ETS1: variants seen among roughly 807,000 people sequenced by gnomAD.
ETS1 encodes the protein ETS proto-oncogene 1, transcription factor, also known as protein C-ets-1.
A neutral mutation model predicts 58.6 loss-of-function variants in ETS1; 15 were observed. That is an observed-to-expected ratio of 0.26 (90% confidence interval 0.17 to 0.39). The LOEUF is 0.39. Among genes scored for constraint, ETS1 ranks in the 10% least tolerant of loss-of-function variants. The pLI, the probability that ETS1 is intolerant of heterozygous loss-of-function variation, is 1.00. For synonymous variants in ETS1, 214 were observed against 218.2 expected (o/e 0.98, Z 0.17); for missense variants, 417 against 610.5 (o/e 0.68, Z 3.34).
At chr11:128,481,282 G>A (rs1434759745) in intron 7 of ETS1, among the ~76,000 whole-genome samples, 1 of 152,178 alleles carries the variant, frequency 6.6e-6, no homozygotes, top group Non-Finnish European at 1.5e-5. Flanking sequence ...TACTGTGTGA[G>A]TTGCTTAAGG....
intron 3 of ETS1, chr11:128,528,900 T>A (rs1436150143): frequency 6.6e-6 from 1 of 152,242 alleles, no homozygotes; most frequent in Admixed American, 6.5e-5. Context: ...TTTATCTAAT[T>A]TTTTATTCTG....
rs145437967 is a variant in ETS1 at position 128,533,070 on chromosome 11, C to T, written c.214+23221G>A. Among the ~76,000 whole-genome samples, 1,424 of 152,328 alleles carry T rather than the reference C, an allele frequency of 9.3e-3. 13 individuals carry two copies. The highest frequency in any genetic ancestry group is 0.043 in the South Asian group (207 of 4,830). On this transcript the variant is annotated intron_variant, in intron 3 of 9. Coordinates refer to ENST00000392668, the MANE Select transcript of ETS1 (RefSeq NM_001143820.2). ...CCCGCTCCCATCGCCAATTAGCCGTCGCCTTTGAAAAGCCATCCTTATCAA... is the reference window on the plus strand; with the variant it reads ...CCCGCTCCCATCGCCAATTAGCCGTTGCCTTTGAAAAGCCATCCTTATCAA...
Position 128,564,480 on chromosome 11 carries a change from C to A in ETS1, c.70-8045G>T, listed in dbSNP as rs556783730. Reference sequence around the variant, plus strand: ...AGCTGTGCTTAGCTTCCCTAGGGACCCCCTGGGGAAGCACACAAAGTCGGA... The same window carrying A: ...AGCTGTGCTTAGCTTCCCTAGGGACACCCTGGGGAAGCACACAAAGTCGGA... On this transcript the variant is annotated intron_variant, in intron 2 of 9. Transcript: ENST00000392668. Among the ~76,000 whole-genome samples, 3 of 152,120 alleles carry A rather than the reference C, an allele frequency of 2.0e-5. No homozygotes were observed. In the South Asian group the frequency reaches 6.2e-4, roughly 32 times the overall value.
intron 2 of ETS1, among the ~76,000 whole-genome samples, chr11:128,559,467 C>T (rs1199223557): frequency 2.0e-5 from 3 of 152,210 alleles, no homozygotes; most frequent in African/African-American, 7.2e-5. Context: ...CTGCCCACAG[C>T]TGGGCTCTTG....
chr11:128,486,051 G>A lies in ETS1; in HGVS notation c.613+18C>T. The A allele has an allele frequency of 6.6e-7, 1 of 1,523,130 alleles. No individual in the cohort carries two copies. 94.4% of individuals were successfully genotyped at this position (1,523,130 alleles called of 1,614,324 possible). On this transcript the variant is annotated intron_variant, in intron 6 of 9. Coordinates refer to ENST00000392668, the MANE Select transcript of ETS1 (RefSeq NM_001143820.2). ...GTTTGCTATTATCATGAGAGAAGAG[G>A]GGTAGAAATGAACTTACTAATGAAG...
At chr11:128,553,017 G>A (rs1430826800) in intron 3 of ETS1, among the ~76,000 whole-genome samples, 2 of 152,250 alleles carry the variant, frequency 1.3e-5, no homozygotes, top group Non-Finnish European at 2.9e-5. Flanking sequence ...AGAGGAGGCA[G>A]GGTCAGTGGC....
chr11:128,583,785 C>T (rs772031449), intron 1 of ETS1, among the ~76,000 whole-genome samples: 2 of 152,064 alleles, frequency 1.3e-5, no homozygotes, highest in Non-Finnish European at 2.9e-5. Flanking sequence ...ATGTTTGTTG[C>T]TTACTCTCAT....
chr11:128,468,176 G>T (rs1038405942), intron 8 of ETS1, among the ~76,000 whole-genome samples: 1 of 152,138 alleles, frequency 6.6e-6, no homozygotes, highest in African/African-American at 2.4e-5. Flanking sequence ...GACCCCCAAG[G>T]CTCCTCAAAT....
In ETS1 at chr11:128,459,927, G is replaced by A. The variant is rs1028759065; in HGVS notation, c.*2434C>T. On this transcript the variant is annotated 3_prime_UTR_variant, in exon 10 of 10. Coordinates refer to ENST00000392668, the MANE Select transcript of ETS1 (RefSeq NM_001143820.2). ...ATTTAATAGGAACGGTGGATGATTT[G>A]AGAAAGTGATTTTATGCCTGGTTGC... 1.3e-5 allele frequency: 2 copies of A among 152,316 alleles called. No homozygotes were observed. The highest frequency in any genetic ancestry group is 2.9e-5 in the Non-Finnish European group (2 of 68,026). 9.4% of individuals were successfully genotyped at this position (152,316 alleles called of 1,614,324 possible). A position where few individuals can be genotyped will look rare whatever the true frequency, so the allele number is the denominator to read the frequency against.
chr11:128,468,363 C>T (rs1862095303), intron 8 of ETS1, among the ~76,000 whole-genome samples: 1 of 152,222 alleles, frequency 6.6e-6, no homozygotes, highest in Non-Finnish European at 1.5e-5. Flanking sequence ...AACTGAGCAG[C>T]ATAAATACAT....
chr11:128,553,368 T>C (rs1461621839), intron 3 of ETS1, among the ~76,000 whole-genome samples: 1 of 152,252 alleles, frequency 6.6e-6, no homozygotes, highest in Non-Finnish European at 1.5e-5. Context: ...CAGATTCATC[T>C]ATTTTTCTCT....
At chr11:128,556,716 T>C (rs576656483) in intron 2 of ETS1, among the ~76,000 whole-genome samples, 2 of 152,352 alleles carry the variant, frequency 1.3e-5, no homozygotes, top group South Asian at 4.1e-4. Flanking sequence ...AACCCATGGT[T>C]AACAGCAGGG....
At chr11:128,522,796 A>G (rs1447528346) in intron 3 of ETS1, among the ~76,000 whole-genome samples, 1 of 152,230 alleles carries the variant, frequency 6.6e-6, no homozygotes, top group Non-Finnish European at 1.5e-5. Flanking sequence ...GACGTGAGGC[A>G]TGTGGATGAA....
At chr11:128,490,693 A>G (rs902024073) in intron 3 of ETS1, 117 bp from the exon 4 acceptor site, 1 of 626,378 alleles carries the variant, frequency 1.6e-6, no homozygotes, top group Non-Finnish European at 2.7e-6. Context: ...TAGCATCCTC[A>G]CCAGAGCACC....
intron 3 of ETS1, among the ~76,000 whole-genome samples, chr11:128,515,562 T>G (rs1032287780): frequency 7.9e-5 from 12 of 152,196 alleles, no homozygotes; most frequent in African/African-American, 2.9e-4. Flanking sequence ...GAGAAGATAT[T>G]CTAGAAAGTA....
chr11:128,569,918 T>G (rs1217270914), intron 2 of ETS1, among the ~76,000 whole-genome samples: 6 of 152,216 alleles, frequency 3.9e-5, no homozygotes, highest in Non-Finnish European at 5.9e-5. Context: ...GAAAAGGATC[T>G]CACATGTTAA....
At chr11:128,526,301 G>C (rs1591643078) in intron 3 of ETS1, 1 of 153,026 alleles carries the variant, frequency 6.5e-6, no homozygotes, top group Non-Finnish European at 1.5e-5. Context: ...CAACTAGCCA[G>C]CTGAATTGCC....
chr11:128,481,061 C>T (rs1862472217), intron 7 of ETS1, among the ~76,000 whole-genome samples: 1 of 152,164 alleles, frequency 6.6e-6, no homozygotes, highest in African/African-American at 2.4e-5. Flanking sequence ...GACCCTATGC[C>T]TTTTCAAATA....
At chr11:128,491,175 T>TA (rs1862788957) in intron 3 of ETS1, among the ~76,000 whole-genome samples, 1 of 152,250 alleles carries the variant, frequency 6.6e-6, no homozygotes, top group African/African-American at 2.4e-5. Context: ...TTAATGTTAC[T>TA]ACATACTTTC....
Sources: allele counts gnomAD v4.1 joint callset (sites outside exome capture counted in the v4.1 genomes callset), GRCh38; gene constraint gnomAD v4.1.1; transcripts MANE v1.5; gene names NCBI Gene and HGNC (gene_info 2026-07-23, HGNC 2026-07-21).